Variants in TRAM1 observed in about 807,000 individuals in gnomAD.
TRAM1 encodes the protein translocating chain-associated membrane protein 1.
TRAM1 carries 17 observed loss-of-function variants against 48.7 expected under a neutral mutation model. The ratio of observed to expected loss-of-function variants is 0.35; its 90% CI spans 0.24 to 0.52. TRAM1 has a LOEUF of 0.52. Among genes scored for constraint, TRAM1 ranks in the 20% least tolerant of loss-of-function variants. The pLI is 0.94. For missense variants in TRAM1, 351 were observed against 441.5 expected, an observed-to-expected ratio of 0.79 and a Z score of 1.84; for synonymous variants, 182 against 154.0, an observed-to-expected ratio of 1.18 and a Z score of -1.34.
At chr8:70,601,502 G>A (rs1261820560) in intron 1 of TRAM1, among the ~76,000 whole-genome samples, 2 of 152,120 alleles carry the variant, frequency 1.3e-5, no homozygotes, top group East Asian at 3.8e-4. Flanking sequence ...AATAATTTCT[G>A]TCTCGCCCAT....
At chr8:70,598,485 T>A (rs187850956) in intron 2 of TRAM1, among the ~76,000 whole-genome samples, 52 of 152,302 alleles carry the variant, frequency 3.4e-4, no homozygotes, top group Non-Finnish European at 4.3e-4. Flanking sequence ...TTGACACATG[T>A]TAGTCACAGC....
chr8:70,606,590 A>G (rs1341819370), intron 1 of TRAM1, among the ~76,000 whole-genome samples: 1 of 152,202 alleles, frequency 6.6e-6, no homozygotes, highest in African/African-American at 2.4e-5. Flanking sequence ...TTCCTGATAA[A>G]GAGCAGAAAA....
At chr8:70,605,520 A>T (rs943269381) in intron 1 of TRAM1, among the ~76,000 whole-genome samples, 2 of 152,182 alleles carry the variant, frequency 1.3e-5, no homozygotes, top group Non-Finnish European at 2.9e-5. Context: ...TCTGCACAAC[A>T]GGCTTAACAG....
intron 6 of TRAM1, among the ~76,000 whole-genome samples, chr8:70,589,204 A>G (rs965455696): frequency 2.0e-5 from 3 of 152,242 alleles, no homozygotes; most frequent in Non-Finnish European, 4.4e-5. Context: ...GAAAATTGAT[A>G]CCAAGTTTAC....
chr8:70,606,928 C>A (rs1308863897), intron 1 of TRAM1: 1 of 984,100 alleles, frequency 1.0e-6, no homozygotes, highest in Non-Finnish European at 1.2e-6. Flanking sequence ...GGATTCTTAA[C>A]GTCGCTCATC....
intron 5 of TRAM1, among the ~76,000 whole-genome samples, chr8:70,595,885 TATA>T (rs971498106): frequency 1.3e-5 from 2 of 151,478 alleles, no homozygotes; most frequent in African/African-American, 2.4e-5. Context: ...TCAAGAAGCT[TATA>T]ATAGGAGAAA....
chr8:70,604,072 G>C (rs942380051), intron 1 of TRAM1, among the ~76,000 whole-genome samples: 2 of 152,080 alleles, frequency 1.3e-5, no homozygotes, highest in African/African-American at 4.8e-5. Flanking sequence ...TAATGCACTC[G>C]AAAGTAAAAA....
chr8:70,578,611 C>T (rs935876985), intron 10 of TRAM1, among the ~76,000 whole-genome samples: 5 of 152,228 alleles, frequency 3.3e-5, no homozygotes, highest in South Asian at 4.2e-4. Flanking sequence ...CCAGCCTGGG[C>T]GACAGAGCAA....
In TRAM1 at chr8:70,598,160, C is replaced by T; in HGVS notation, c.283G>A (p.Ala95Thr). The T allele has an allele frequency of 3.7e-6, 6 of 1,612,908 alleles. No homozygotes were observed. The highest frequency in any genetic ancestry group is 5.1e-6 in the Non-Finnish European group (6 of 1,179,456). ...TCCAACATATACTCTTGAATTACGG[C>T]ATGAATAATTATCGCCACTAGCATG... is the stretch of plus-strand genomic sequence containing the variant. Reference protein sequence around the residue: ...FYMLVAIIIHAVIQEYMLDKI... With the variant: ...FYMLVAIIIHTVIQEYMLDKI... Residue 95 changes from alanine to threonine, a missense_variant, in exon 3 of 11, where the codon GCC becomes ACC. Ala to Thr is a moderately conservative substitution (Grantham distance 58). Transcript: ENST00000262213.
At position 70,608,224 on chromosome 8, in the gene TRAM1, A is replaced by C. The variant is rs1386372904; in HGVS notation, c.-25T>G. The C allele has an allele frequency of 6.3e-7, 1 of 1,575,446 alleles. No homozygotes were observed. The highest frequency in any genetic ancestry group is 1.4e-5 in the African/African-American group (1 of 71,666). Reference sequence around the variant, plus strand: ...TGGTGGGGCCGCCGCCCGCGCCTGCAGGTGCTCCGCCCCGGTTCTGCTCTT... The same window carrying C: ...TGGTGGGGCCGCCGCCCGCGCCTGCCGGTGCTCCGCCCCGGTTCTGCTCTT... On this transcript the variant is annotated 5_prime_UTR_variant, in exon 1 of 11. Coordinates refer to ENST00000262213, the MANE Select transcript of TRAM1 (RefSeq NM_014294.6).
intron 6 of TRAM1, among the ~76,000 whole-genome samples, chr8:70,588,156 A>T (rs1326126610): frequency 6.6e-6 from 1 of 152,130 alleles, no homozygotes; most frequent in African/African-American, 2.4e-5. Context: ...GTTCGAGGTT[A>T]CAGTAAGCTA....
chr8:70,604,703 T>C (rs552002485), intron 1 of TRAM1, among the ~76,000 whole-genome samples: 1 of 152,286 alleles, frequency 6.6e-6, no homozygotes, highest in South Asian at 2.1e-4. Context: ...ATTGTTGAAA[T>C]TGTAAACGTC....
chr8:70,603,956 C>T (rs1178310690), intron 1 of TRAM1, among the ~76,000 whole-genome samples: 2 of 152,142 alleles, frequency 1.3e-5, no homozygotes, highest in African/African-American at 4.8e-5. Flanking sequence ...ATTTCCAGGC[C>T]TCCTAAGCCT....
At position 70,608,382 on chromosome 8, in the gene TRAM1, AAAC is replaced by A; in HGVS notation, c.-186_-184del. On this transcript the variant is annotated 5_prime_UTR_variant, in exon 1 of 11. Coordinates refer to ENST00000262213, the MANE Select transcript of TRAM1 (RefSeq NM_014294.6). ...GCCGGGCCGCCCGGGGGAAAAAAAA[AAAC>A]ACAACAGCTAGCCCGCAGCGGGGGC... is the stretch of plus-strand genomic sequence containing the variant. 1 of 631,938 alleles carries A rather than the reference AAAC, an allele frequency of 1.6e-6. No homozygotes were observed. 39.1% of individuals were successfully genotyped at this position (631,938 alleles called of 1,614,324 possible).
intron 1 of TRAM1, chr8:70,607,256 G>A (rs1262318182): frequency 1.0e-6 from 1 of 985,056 alleles, no homozygotes; most frequent in African/African-American, 1.7e-5. Context: ...AGATACGTGG[G>A]AAGAGAATTT....
At chr8:70,579,525 T>C (rs1199194530) in intron 10 of TRAM1, among the ~76,000 whole-genome samples, 1 of 152,222 alleles carries the variant, frequency 6.6e-6, no homozygotes, top group African/African-American at 2.4e-5. Flanking sequence ...ACAACTGTAT[T>C]ATCACCAACT....
Position 70,600,143 on chromosome 8 carries a change from G to A in TRAM1, c.124-61C>T, listed in dbSNP as rs147784497. ...GTGACCCTCTCCCAAATAACAGATC[G>A]GGGCAAAAACATTATAAAATCTGTC... On this transcript the variant is annotated intron_variant, in intron 1 of 10. Transcript: ENST00000262213. The A allele has an allele frequency of 4.3e-4, 568 of 1,328,970 alleles. 3 individuals are homozygous for A. The African/African-American group carries it at 7.3e-3, about 17-fold the overall frequency. 82.3% of individuals were successfully genotyped at this position (1,328,970 alleles called of 1,614,324 possible).
At chr8:70,603,204 T>C (rs1435791427) in intron 1 of TRAM1, among the ~76,000 whole-genome samples, 2 of 152,122 alleles carry the variant, frequency 1.3e-5, no homozygotes, top group Non-Finnish European at 2.9e-5. Flanking sequence ...GAGTGGTCAC[T>C]ACATTTCATT....
At chr8:70,576,278 G>T (rs1162044235) in intron 10 of TRAM1, among the ~76,000 whole-genome samples, 2 of 151,794 alleles carry the variant, frequency 1.3e-5, no homozygotes, top group Non-Finnish European at 2.9e-5. Flanking sequence ...CCAATGAAAA[G>T]GAAAGAATAG....
Sources: gnomAD v4.1 joint callset for allele counts (sites outside exome capture counted in the v4.1 genomes callset) on GRCh38, gnomAD v4.1.1 for gene constraint, MANE v1.5 for transcripts, NCBI Gene and HGNC (gene_info 2026-07-23, HGNC 2026-07-21) for gene names.